SYN3: variants seen among roughly 807,000 people sequenced by gnomAD.
The protein encoded by SYN3 is synapsin-3.
A neutral mutation model predicts 65.8 loss-of-function variants in SYN3; 35 were observed. The observed-to-expected ratio is 0.53, with a 90% CI of 0.41 to 0.70. The LOEUF (loss-of-function observed/expected upper bound fraction) is 0.70, where lower values mean the gene tolerates loss of function less well. SYN3 is among the 30% of genes least tolerant of loss of function. SYN3 has a pLI of 0.00. For synonymous variants in SYN3, 270 were observed against 292.9 expected, an observed-to-expected ratio of 0.92 and a Z score of 0.80; for missense variants, 680 against 749.0, an observed-to-expected ratio of 0.91 and a Z score of 1.08.
chr22:33,040,560 C>T (rs1473529751), intron 1 of SYN3, among the ~76,000 whole-genome samples: 2 of 152,150 alleles, frequency 1.3e-5, no homozygotes, highest in East Asian at 1.9e-4. Flanking sequence ...TACAGTTGCT[C>T]CTCGATATAT....
chr22:32,559,455 G>A (rs947851513), intron 7 of SYN3, among the ~76,000 whole-genome samples: 4 of 152,216 alleles, frequency 2.6e-5, no homozygotes. Context: ...TTCAGGTGAT[G>A]GTCAGGCAGT....
chr22:33,020,874 C>T lies in SYN3; in HGVS notation c.-162-14050G>A, dbSNP rs750653897. ...TTGCTATCTACCACCTACAAAGCCTCGAGAAAATTACTTAGCCTCTCTGTG... is the reference window on the plus strand; with the variant it reads ...TTGCTATCTACCACCTACAAAGCCTTGAGAAAATTACTTAGCCTCTCTGTG... On this transcript the variant is annotated intron_variant, in intron 1 of 13. Coordinates refer to ENST00000358763, the MANE Select transcript of SYN3 (RefSeq NM_003490.4). Among the ~76,000 whole-genome samples, 16 of 152,266 alleles carry T rather than the reference C, an allele frequency of 1.1e-4. No individual in the cohort carries two copies. The South Asian group carries it at 2.9e-3, about 28-fold the overall frequency.
chr22:32,686,555 G>T (rs967028823), intron 6 of SYN3, among the ~76,000 whole-genome samples: 1 of 151,078 alleles, frequency 6.6e-6, no homozygotes, highest in African/African-American at 2.4e-5. Flanking sequence ...GTGCTGAAAG[G>T]AGAGCTACAG....
intron 6 of SYN3, among the ~76,000 whole-genome samples, chr22:32,645,451 GA>G (rs131064): frequency 3.7e-4 from 51 of 136,766 alleles, no homozygotes; most frequent in East Asian, 6.9e-4. Context: ...AACTCCGTCT[GA>G]AAAAAAAAAA....
intron 6 of SYN3, among the ~76,000 whole-genome samples, chr22:32,692,785 T>C (rs2060683718): frequency 6.6e-6 from 1 of 152,200 alleles, no homozygotes; most frequent in Admixed American, 6.5e-5. Flanking sequence ...ATTATGGCAT[T>C]TTTCATATTA....
At chr22:32,655,836 T>G (rs1251961948) in intron 6 of SYN3, among the ~76,000 whole-genome samples, 1 of 152,090 alleles carries the variant, frequency 6.6e-6, no homozygotes, top group Non-Finnish European at 1.5e-5. Flanking sequence ...TGTGCTTGAG[T>G]CATCCTGAAA....
chr22:32,593,593 C>CAGGAGGAAGCAGAGGAGGAGGAGA (rs2059156903), intron 7 of SYN3, among the ~76,000 whole-genome samples: 1 of 151,980 alleles, frequency 6.6e-6, no homozygotes, highest in Non-Finnish European at 1.5e-5. Flanking sequence ...ATGGAGGTCA[C>CAGGAGGAAGCAGAGGAGGAGGAGA]AGGAGGAAGC....
At chr22:32,541,855 C>G (rs931732379) in intron 7 of SYN3, 142 bp from the exon 8 acceptor site, 2 of 947,482 alleles carry the variant, frequency 2.1e-6, no homozygotes, top group Non-Finnish European at 3.1e-6. Context: ...ACACGGGAAG[C>G]AAATCATTCC....
intron 2 of SYN3, among the ~76,000 whole-genome samples, chr22:32,993,486 C>T (rs2052784093): frequency 6.6e-6 from 1 of 152,184 alleles, no homozygotes; most frequent in African/African-American, 2.4e-5. Flanking sequence ...GCTGGGACTA[C>T]AGCATGCCGC....
chr22:32,882,336 A>G lies in SYN3; in HGVS notation c.462-13211T>C, dbSNP rs117015416. ...CCTGGCTAACATTTTGTCTGTCATC[A>G]GTGCAGGGAAGGGTGTAGACAGGAG... On this transcript the variant is annotated intron_variant, in intron 4 of 13. Coordinates refer to ENST00000358763, the MANE Select transcript of SYN3 (RefSeq NM_003490.4). Among the ~76,000 whole-genome samples the G allele has an allele frequency of 7.6e-3, 1,155 of 152,316 alleles. 8 individuals are homozygous for G. Among genetic ancestry groups the G allele is most frequent in the Non-Finnish European group, 0.013 (865 of 68,030 alleles).
chr22:32,609,890 A>T (rs2059418463), intron 6 of SYN3, among the ~76,000 whole-genome samples: 1 of 152,150 alleles, frequency 6.6e-6, no homozygotes, highest in African/African-American at 2.4e-5. Context: ...CGAATTTTTA[A>T]ACTGTTTACA....
intron 6 of SYN3, among the ~76,000 whole-genome samples, chr22:32,766,522 A>T (rs2045632628): frequency 6.6e-6 from 1 of 152,216 alleles, no homozygotes; most frequent in Admixed American, 6.5e-5. Context: ...AGTGAATGAA[A>T]GCCAAGATTT....
chr22:32,873,085 G>A (rs2048893551), intron 4 of SYN3, among the ~76,000 whole-genome samples: 2 of 151,946 alleles, frequency 1.3e-5, no homozygotes, highest in Non-Finnish European at 2.9e-5. Context: ...CAAGTAGCTG[G>A]GATTACAGGC....
chr22:32,826,749 G>A (rs1235644332), intron 6 of SYN3, among the ~76,000 whole-genome samples: 1 of 152,136 alleles, frequency 6.6e-6, no homozygotes, highest in Admixed American at 6.5e-5. Context: ...CATTTACCAG[G>A]CACCAGGGCG....
chr22:32,651,473 A>G (rs1042552845), intron 6 of SYN3, among the ~76,000 whole-genome samples: 2 of 152,052 alleles, frequency 1.3e-5, no homozygotes, highest in Non-Finnish European at 2.9e-5. Context: ...CATGATATGC[A>G]TGTTTCTGGA....
chr22:32,982,647 T>C (rs2145663324), intron 2 of SYN3, among the ~76,000 whole-genome samples: 1 of 152,306 alleles, frequency 6.6e-6, no homozygotes, highest in East Asian at 1.9e-4. Flanking sequence ...ATACCACAGC[T>C]CCTTGAGGTC....
chr22:32,755,606 G>A (rs892533386), intron 6 of SYN3, among the ~76,000 whole-genome samples: 1 of 152,088 alleles, frequency 6.6e-6, no homozygotes, highest in African/African-American at 2.4e-5. Flanking sequence ...TCTTGCCCAG[G>A]AAATCATGCC....
chr22:33,044,889 C>A (rs1198444491), intron 1 of SYN3, among the ~76,000 whole-genome samples: 1 of 150,248 alleles, frequency 6.7e-6, no homozygotes, highest in Non-Finnish European at 1.5e-5. Context: ...GTTGCCCAGG[C>A]TGGAGTGCAA....
chr22:32,784,749 C>T (rs917256599), intron 6 of SYN3: 1 of 152,206 alleles, frequency 6.6e-6, no homozygotes, highest in Admixed American at 6.5e-5. Flanking sequence ...TGTCAGTGTC[C>T]TATTTAAAAC....
Sources: allele counts gnomAD v4.1 joint callset (sites outside exome capture counted in the v4.1 genomes callset), GRCh38; gene constraint gnomAD v4.1.1; transcripts MANE v1.5; gene names NCBI Gene and HGNC (gene_info 2026-07-23, HGNC 2026-07-21).